CTNNA2: variants seen among roughly 807,000 people sequenced by gnomAD.
CTNNA2 encodes the protein catenin alpha-2.
CTNNA2 carries 42 observed loss-of-function variants against 101.0 expected under a neutral mutation model. The ratio of observed to expected loss-of-function variants is 0.42; its 90% CI spans 0.32 to 0.54. The LOEUF is 0.54. CTNNA2 is among the 20% of genes least tolerant of loss of function. The pLI is 0.14. For synonymous variants in CTNNA2, 450 were observed against 456.4 expected (o/e 0.99, Z 0.18); for missense variants, 871 against 1,223.1 (o/e 0.71, Z 4.29).
chr2:79,700,528 C>T (rs1164044198), intron 2 of CTNNA2, among the ~76,000 whole-genome samples: 1 of 152,042 alleles, frequency 6.6e-6, no homozygotes, highest in African/African-American at 2.4e-5. Context: ...GATCAAGGGG[C>T]CTAAAGACAG....
chr2:79,848,096 AGACTT>A lies in CTNNA2; in HGVS notation c.299-9911_299-9907del, dbSNP rs550877824. Among the ~76,000 whole-genome samples, 530 of 152,300 alleles carry A rather than the reference AGACTT, an allele frequency of 3.5e-3. 4 individuals carry two copies. The highest frequency in any genetic ancestry group is 0.012 in the African/African-American group (478 of 41,560). ...AGTCAGCAGCATGATTTTTATAGAG[AGACTT>A]GACTTACTTATTGAAATTTGGGGTT... On this transcript the variant is annotated intron_variant, in intron 3 of 18. Coordinates refer to ENST00000402739, the MANE Select transcript of CTNNA2 (RefSeq NM_001282597.3).
At chr2:79,844,011 A>G (rs1285433961) in intron 3 of CTNNA2, among the ~76,000 whole-genome samples, 2 of 152,186 alleles carry the variant, frequency 1.3e-5, no homozygotes, top group Non-Finnish European at 2.9e-5. Context: ...TGTACTCCCA[A>G]TGTGAGTTTT....
intron 9 of CTNNA2, among the ~76,000 whole-genome samples, chr2:80,460,530 A>G (rs1185901641): frequency 2.0e-5 from 3 of 151,956 alleles, no homozygotes; most frequent in Non-Finnish European, 4.4e-5. Flanking sequence ...TATGCAAGGT[A>G]TATTTCCCTC....
At chr2:80,216,250 G>A (rs1295703326) in intron 7 of CTNNA2, among the ~76,000 whole-genome samples, 2 of 152,124 alleles carry the variant, frequency 1.3e-5, no homozygotes, top group Non-Finnish European at 2.9e-5. Flanking sequence ...CTCACACTGC[G>A]TGGGCTACAC....
At chr2:79,992,687 G>A (rs1234607604) in intron 7 of CTNNA2, among the ~76,000 whole-genome samples, 1 of 152,176 alleles carries the variant, frequency 6.6e-6, no homozygotes, top group Non-Finnish European at 1.5e-5. Context: ...TTGTATAAAT[G>A]TAATATTTTG....
chr2:80,363,038 A>G (rs1207884668), intron 7 of CTNNA2, among the ~76,000 whole-genome samples: 1 of 151,488 alleles, frequency 6.6e-6, no homozygotes, highest in Non-Finnish European at 1.5e-5. Flanking sequence ...AGTAAATTCA[A>G]GCTGTTCTAA....
chr2:79,275,892 A>G (rs1377559364), intron 2 of CTNNA2, among the ~76,000 whole-genome samples: 1 of 152,078 alleles, frequency 6.6e-6, no homozygotes, highest in Non-Finnish European at 1.5e-5. Context: ...AAGAAGGAAA[A>G]TGCATAGAAT....
intron 2 of CTNNA2, among the ~76,000 whole-genome samples, chr2:79,311,383 T>C (rs898412803): frequency 8.2e-6 from 1 of 121,554 alleles, no homozygotes; most frequent in Non-Finnish European, 1.6e-5. Flanking sequence ...CACTCCAGCC[T>C]GGGCGACAGG....
intron 9 of CTNNA2, among the ~76,000 whole-genome samples, chr2:80,444,475 C>A (rs753704602): frequency 6.6e-6 from 1 of 152,130 alleles, no homozygotes; most frequent in African/African-American, 2.4e-5. Flanking sequence ...TCAATATCAG[C>A]ACCATTGACA....
At chr2:80,547,525 C>T (rs1185381638) in intron 11 of CTNNA2, among the ~76,000 whole-genome samples, 2 of 152,030 alleles carry the variant, frequency 1.3e-5, no homozygotes, top group Admixed American at 1.3e-4. Flanking sequence ...TTCCCTTTCC[C>T]ACCTCTGGCA....
At chr2:80,552,455 A>G (rs1692651960) in intron 11 of CTNNA2, among the ~76,000 whole-genome samples, 2 of 152,230 alleles carry the variant, frequency 1.3e-5, no homozygotes, top group Admixed American at 1.3e-4. Flanking sequence ...CATGTCTGCC[A>G]TCCATCAATA....
At chr2:79,730,032 A>AT (rs1687104130) in intron 2 of CTNNA2, among the ~76,000 whole-genome samples, 1 of 152,098 alleles carries the variant, frequency 6.6e-6, no homozygotes, top group South Asian at 2.1e-4. Context: ...AAACCAATTG[A>AT]TTTTAGTTTT....
chr2:79,618,818 A>G lies in CTNNA2; in HGVS notation c.-5-32734A>G, dbSNP rs113367841. 3.9e-5 allele frequency among the ~76,000 whole-genome samples: 6 copies of G among 152,344 alleles called. 1 individual carries two copies. Among genetic ancestry groups the G allele is most frequent in the African/African-American group, 1.4e-4 (6 of 41,574 alleles). ...ATGTAAGGCCCCATCTCCATATTAG[A>G]CACTGTAGAAGTTTCCAGTTGCCTC... On this transcript the variant is annotated intron_variant, in intron 1 of 18. Transcript: ENST00000402739.
intron 7 of CTNNA2, among the ~76,000 whole-genome samples, chr2:80,286,539 A>G (rs141139756): frequency 6.6e-6 from 1 of 152,316 alleles, no homozygotes; most frequent in African/African-American, 2.4e-5. Flanking sequence ...CATGCTGTTG[A>G]GCATTTTGCT....
intron 9 of CTNNA2, among the ~76,000 whole-genome samples, chr2:80,430,447 G>A (rs1464673944): frequency 2.0e-5 from 3 of 152,152 alleles, no homozygotes; most frequent in Admixed American, 6.6e-5. Flanking sequence ...ACTAGATGAT[G>A]GATGAGTGAC....
intron 8 of CTNNA2, among the ~76,000 whole-genome samples, chr2:80,405,284 C>T (rs577050750): frequency 1.7e-3 from 264 of 152,020 alleles, no homozygotes; most frequent in Middle Eastern, 0.014. Flanking sequence ...ATTTTTTTTC[C>T]GAGTAGAGTA....
At chr2:79,801,790 G>T (rs549776422) in intron 3 of CTNNA2, among the ~76,000 whole-genome samples, 3 of 152,068 alleles carry the variant, frequency 2.0e-5, no homozygotes, top group African/African-American at 7.2e-5. Context: ...TCAGGAGTTC[G>T]AGACCAGCCT....
chr2:79,277,583 A>G (rs528300734), intron 2 of CTNNA2, among the ~76,000 whole-genome samples: 3 of 152,190 alleles, frequency 2.0e-5, no homozygotes, highest in Non-Finnish European at 4.4e-5. Flanking sequence ...ATGTTATGCT[A>G]TTTAATTTTT....
chr2:79,460,103 T>C (rs1275914965), intron 4 of CTNNA2, among the ~76,000 whole-genome samples: 1 of 152,174 alleles, frequency 6.6e-6, no homozygotes, highest in East Asian at 1.9e-4. Context: ...ATCTTCTTTT[T>C]AATTCTCTCT....
Sources: gnomAD v4.1 joint callset for allele counts (sites outside exome capture counted in the v4.1 genomes callset) on GRCh38, gnomAD v4.1.1 for gene constraint, MANE v1.5 for transcripts, NCBI Gene and HGNC (gene_info 2026-07-23, HGNC 2026-07-21) for gene names.